The following CSMD1 variants were observed in gnomAD, a reference collection of about 807,000 sequenced individuals.
CSMD1 encodes CUB and Sushi multiple domains 1, also known as CUB and sushi domain-containing protein 1.
Under a neutral mutation model 417.5 loss-of-function variants are expected in CSMD1, and 213 were observed. The observed-to-expected ratio is 0.51, with a 90% confidence interval of 0.46 to 0.57. The LOEUF (loss-of-function observed/expected upper bound fraction) is 0.57, where lower values mean the gene tolerates loss of function less well. CSMD1 is among the 20% of genes least tolerant of loss of function. The pLI, the probability that CSMD1 is intolerant of heterozygous loss-of-function variation, is 0.00. For synonymous variants in CSMD1, 2,862 were observed against 1,736.8 expected, an observed-to-expected ratio of 1.65 and a Z score of -16.11; for missense variants, 6,923 against 4,529.7, an observed-to-expected ratio of 1.53 and a Z score of -15.17.
intron 25 of CSMD1, among the ~76,000 whole-genome samples, chr8:3,292,670 A>G (rs7387273): frequency 0.045 from 6,852 of 151,742 alleles, 227 homozygotes; most frequent in Admixed American, 0.093. Context: ...TTTGTTTTCC[A>G]TTTGCTTGGT....
intron 22 of CSMD1, among the ~76,000 whole-genome samples, chr8:3,344,688 C>T (rs1807875088): frequency 6.6e-6 from 1 of 152,170 alleles, no homozygotes; most frequent in Admixed American, 6.5e-5. Flanking sequence ...ATGTGTTTGT[C>T]TATTTTCCCC....
chr8:3,878,701 T>G (rs549383535), intron 5 of CSMD1, among the ~76,000 whole-genome samples: 1 of 152,340 alleles, frequency 6.6e-6, no homozygotes, highest in South Asian at 2.1e-4. Flanking sequence ...GTATGTCTGA[T>G]GCTTCAGTGA....
intron 12 of CSMD1, among the ~76,000 whole-genome samples, chr8:3,439,309 A>ATATATATATATTTTTTTTTT: frequency 1.6e-5 from 1 of 62,482 alleles, no homozygotes; most frequent in African/African-American, 6.7e-5. Flanking sequence ...ATATATATAT[A>ATATATATATATTTTTTTTTT]TTTTTTTTTT....
In CSMD1 at chr8:3,406,007, G is replaced by A. The variant is rs756914717; in HGVS notation, c.2266+20C>T. The A allele has an allele frequency of 5.6e-6, 9 of 1,608,492 alleles. No homozygotes were observed. Among genetic ancestry groups the A allele is most frequent in the Non-Finnish European group, 6.8e-6 (8 of 1,177,142 alleles). On this transcript the variant is annotated intron_variant, in intron 15 of 69. Transcript: ENST00000635120. ...TGTGTGATTTCAAAGGAGAAGAGCG[G>A]GGGGTGGCAGGGACTGCACCTTCAC...
At chr8:4,840,011 C>T (rs1163272046) in intron 1 of CSMD1, among the ~76,000 whole-genome samples, 6 of 152,128 alleles carry the variant, frequency 3.9e-5, no homozygotes, top group Non-Finnish European at 7.4e-5. Context: ...GCTTTTTGTC[C>T]TGCATGCACA....
chr8:3,439,309 A>ATATATATATATTTATTT, intron 12 of CSMD1, among the ~76,000 whole-genome samples: 1 of 62,482 alleles, frequency 1.6e-5, no homozygotes, highest in Non-Finnish European at 2.9e-5. Context: ...ATATATATAT[A>ATATATATATATTTATTT]TTTTTTTTTT....
At chr8:4,882,963 T>C (rs1803505927) in intron 1 of CSMD1, among the ~76,000 whole-genome samples, 2 of 151,944 alleles carry the variant, frequency 1.3e-5, no homozygotes, top group Admixed American at 1.3e-4. Context: ...AGCTCCAAAC[T>C]AAACCTAAAA....
At chr8:3,848,418 A>C (rs2129098393) in intron 5 of CSMD1, among the ~76,000 whole-genome samples, 1 of 152,328 alleles carries the variant, frequency 6.6e-6, no homozygotes, top group South Asian at 2.1e-4. Context: ...TTTTTAAAAC[A>C]CAATTAGGAG....
intron 3 of CSMD1, among the ~76,000 whole-genome samples, chr8:4,323,642 A>G (rs1392603707): frequency 6.6e-6 from 1 of 152,160 alleles, no homozygotes; most frequent in Non-Finnish European, 1.5e-5. Context: ...AAGGAGAAAA[A>G]ACAAATAAGG....
intron 26 of CSMD1, among the ~76,000 whole-genome samples, chr8:3,232,528 T>C (rs1468248672): frequency 6.6e-6 from 1 of 152,210 alleles, no homozygotes; most frequent in Non-Finnish European, 1.5e-5. Flanking sequence ...TACCCTTATA[T>C]AAAATGCTGC....
intron 41 of CSMD1, among the ~76,000 whole-genome samples, chr8:3,139,908 T>C (rs1818329463): frequency 1.4e-5 from 2 of 145,900 alleles, no homozygotes; most frequent in South Asian, 4.3e-4. Context: ...TTTCTTTCTT[T>C]TTTTTTTTTT....
chr8:4,451,222 T>C (rs1315242098), intron 2 of CSMD1, among the ~76,000 whole-genome samples: 1 of 152,032 alleles, frequency 6.6e-6, no homozygotes, highest in Non-Finnish European at 1.5e-5. Context: ...TCTCAACTAC[T>C]TGGGAGGCTA....
At chr8:4,832,764 T>C (rs1359310973) in intron 1 of CSMD1, among the ~76,000 whole-genome samples, 1 of 152,178 alleles carries the variant, frequency 6.6e-6, no homozygotes, top group Non-Finnish European at 1.5e-5. Context: ...GATCAACTCT[T>C]AGAACCATTA....
rs542506514 is a variant in CSMD1, at chr8:4,022,199, T to TATAA, written c.610+9705_610+9706insTTAT. Reference sequence around the variant, plus strand: ...ATATTTATGTGTATATATATATATATAACAATAGCATTGTTATTGGTAATA... The same window carrying TATAA: ...ATATTTATGTGTATATATATATATATATAAAACAATAGCATTGTTATTGGTAATA... On this transcript the variant is annotated intron_variant, in intron 4 of 69. Coordinates refer to ENST00000635120, the MANE Select transcript of CSMD1 (RefSeq NM_033225.6). Among the ~76,000 whole-genome samples, 606 of 148,186 alleles carry TATAA rather than the reference T, an allele frequency of 4.1e-3. 5 individuals carry two copies. Among genetic ancestry groups the TATAA allele is most frequent in the Non-Finnish European group, 7.1e-3 (478 of 67,300 alleles).
chr8:4,802,019 G>C (rs964101862), intron 1 of CSMD1, among the ~76,000 whole-genome samples: 2 of 152,142 alleles, frequency 1.3e-5, no homozygotes, highest in Admixed American at 1.3e-4. Context: ...CCCTGGTGTA[G>C]ACAGACCATT....
At chr8:3,129,819 T>C (rs1377577351) in intron 41 of CSMD1, among the ~76,000 whole-genome samples, 2 of 152,040 alleles carry the variant, frequency 1.3e-5, no homozygotes, top group East Asian at 1.9e-4. Flanking sequence ...TGAAACCCTG[T>C]CTCTACTAAA....
At chr8:4,282,102 A>G (rs1275759169) in intron 3 of CSMD1, among the ~76,000 whole-genome samples, 1 of 152,214 alleles carries the variant, frequency 6.6e-6, no homozygotes, top group Non-Finnish European at 1.5e-5. Context: ...TATTAATCCA[A>G]GAGTATTTTT....
intron 7 of CSMD1, among the ~76,000 whole-genome samples, chr8:3,691,125 G>T (rs926081850): frequency 6.6e-6 from 1 of 152,018 alleles, no homozygotes; most frequent in Non-Finnish European, 1.5e-5. Flanking sequence ...CCAGCACTTT[G>T]GGAGGCCGGG....
At chr8:3,642,742 C>T (rs1485743611) in intron 7 of CSMD1, among the ~76,000 whole-genome samples, 1 of 151,900 alleles carries the variant, frequency 6.6e-6, no homozygotes, top group Non-Finnish European at 1.5e-5. Flanking sequence ...GACTAGAAAA[C>T]ACGAGTATGG....
Sources: gnomAD v4.1 joint callset for allele counts (sites outside exome capture counted in the v4.1 genomes callset) on GRCh38, gnomAD v4.1.1 for gene constraint, MANE v1.5 for transcripts, NCBI Gene and HGNC (gene_info 2026-07-23, HGNC 2026-07-21) for gene names.